The following MAP3K13 variants were observed in gnomAD, a reference collection of about 807,000 sequenced individuals.
MAP3K13 encodes mitogen-activated protein kinase kinase kinase 13, also known as leucine zipper-bearing kinase.
Under a neutral mutation model 104.0 loss-of-function variants are expected in MAP3K13, and 52 were observed. That is an observed-to-expected ratio of 0.50 (90% confidence interval 0.40 to 0.63). The LOEUF is 0.63. MAP3K13 is among the 20% of genes least tolerant of loss of function. The pLI is 0.00. For synonymous variants in MAP3K13, 394 were observed against 442.2 expected, an observed-to-expected ratio of 0.89 and a Z score of 1.37; for missense variants, 914 against 1,218.5, an observed-to-expected ratio of 0.75 and a Z score of 3.72.
Position 185,428,645 on chromosome 3 carries a change from A to G in MAP3K13, c.64A>G (p.Lys22Glu). Reference protein sequence around the residue: ...SSPHLPFSESKTFNGLQDELT... With the variant: ...SSPHLPFSESETFNGLQDELT... ...TCCACACTTACCCTTCAGTGAAAGC[A>G]AAACCTTCAATGGACTACAAGATGA... is the stretch of plus-strand genomic sequence containing the variant. The change falls in exon 2 of 14, where the codon AAA (lysine) becomes GAA (glutamate). Residue 22 changes from lysine to glutamate, a missense_variant. By Grantham distance (56) the Lys-to-Glu change is moderately conservative. This residue lies in a region of MAP3K13 where 156 missense variants were observed against 159.8 expected (regional missense o/e 0.98). Coordinates refer to ENST00000265026, the MANE Select transcript of MAP3K13 (RefSeq NM_004721.5). The G allele has an allele frequency of 6.2e-7, 1 of 1,613,914 alleles. No individual in the cohort carries two copies. Among genetic ancestry groups the G allele is most frequent in the South Asian group, 1.1e-5 (1 of 91,038 alleles).
intron 1 of MAP3K13, among the ~76,000 whole-genome samples, chr3:185,420,120 A>G (rs1016566975): frequency 6.6e-6 from 1 of 152,224 alleles, no homozygotes; most frequent in Non-Finnish European, 1.5e-5. Context: ...ACATGGAATC[A>G]ATATTTTTGA....
Position 185,428,740 on chromosome 3 carries a change from A to G in MAP3K13, c.159A>G (p.Arg53=). 6.2e-7 allele frequency: 1 copy of G among 1,614,234 alleles called. No homozygotes were observed. The highest frequency in any genetic ancestry group is 2.2e-5 in the East Asian group (1 of 44,890). ...ACCAGCAGGAAAAGGGGATGGTACG[A>G]ACAGAGCTAATCGAGAGCGTGCACA... ...LEDQQEKGMV[R]TELIESVHSP... The change falls in exon 2 of 14, where the codon CGA becomes CGG. Residue 53 remains arginine, a synonymous_variant. Transcript: ENST00000265026.
intron 2 of MAP3K13, among the ~76,000 whole-genome samples, chr3:185,344,312 G>C (rs1435050354): frequency 6.6e-6 from 1 of 152,126 alleles, no homozygotes; most frequent in Non-Finnish European, 1.5e-5. Context: ...ATTTTGAAAA[G>C]GAGAGACATG....
chr3:185,297,879 T>A (rs954431004), intron 2 of MAP3K13, among the ~76,000 whole-genome samples: 40 of 152,132 alleles, frequency 2.6e-4, no homozygotes, highest in Non-Finnish European at 3.7e-4. Flanking sequence ...AGCTACTCTC[T>A]CTCTCTCTCT....
At chr3:185,452,303 A>G (rs1261010780) in intron 7 of MAP3K13, among the ~76,000 whole-genome samples, 1 of 152,114 alleles carries the variant, frequency 6.6e-6, no homozygotes, top group Non-Finnish European at 1.5e-5. Context: ...GGCTCACTGC[A>G]GCCTTCACCT....
At chr3:185,401,347 G>C (rs1395057543) in intron 1 of MAP3K13, among the ~76,000 whole-genome samples, 1 of 152,168 alleles carries the variant, frequency 6.6e-6, no homozygotes, top group Non-Finnish European at 1.5e-5. Context: ...TGTGGGAGCA[G>C]GTGAGTGAGA....
intron 10 of MAP3K13, among the ~76,000 whole-genome samples, chr3:185,470,203 T>G (rs1717698410): frequency 6.6e-6 from 1 of 152,184 alleles, no homozygotes; most frequent in Admixed American, 6.5e-5. Context: ...CCTGTAAAAT[T>G]TCATGCTGAC....
At chr3:185,379,553 G>A (rs11707754) in intron 1 of MAP3K13, among the ~76,000 whole-genome samples, 26,938 of 151,970 alleles carry the variant, frequency 0.18, 2,559 homozygotes, top group Non-Finnish European at 0.21. Flanking sequence ...TGAGGACAGG[G>A]GACTGGTCTC....
intron 1 of MAP3K13, among the ~76,000 whole-genome samples, chr3:185,396,109 G>A (rs1406248823): frequency 2.6e-5 from 4 of 152,046 alleles, no homozygotes; most frequent in Non-Finnish European, 4.4e-5. Flanking sequence ...GGTGGCTCAC[G>A]CCTGTAATCC....
chr3:185,368,139 T>G (rs979465202), intron 1 of MAP3K13, among the ~76,000 whole-genome samples: 1 of 151,998 alleles, frequency 6.6e-6, no homozygotes, highest in African/African-American at 2.4e-5. Context: ...CCAGCCTGGG[T>G]AACAGAACAG....
chr3:185,376,887 G>A (rs12489150), intron 1 of MAP3K13, among the ~76,000 whole-genome samples: 23,610 of 152,070 alleles, frequency 0.16, 2,294 homozygotes, highest in Non-Finnish European at 0.21. Context: ...AGTAATGGGG[G>A]CTGTCTGTGA....
At chr3:185,429,234 G>A (rs1428253161) in intron 2 of MAP3K13, among the ~76,000 whole-genome samples, 178 bp downstream of exon 2, 1 of 152,150 alleles carries the variant, frequency 6.6e-6, no homozygotes, top group African/African-American at 2.4e-5. Flanking sequence ...CACATTTGGT[G>A]GGTCTTTTTT....
chr3:185,420,988 C>T (rs1355077236), intron 1 of MAP3K13, among the ~76,000 whole-genome samples: 5 of 152,148 alleles, frequency 3.3e-5, no homozygotes, highest in Non-Finnish European at 7.4e-5. Context: ...AAACCACTTC[C>T]TCCTCTTGGG....
At chr3:185,397,063 C>G (rs1285760552) in intron 1 of MAP3K13, among the ~76,000 whole-genome samples, 1 of 151,554 alleles carries the variant, frequency 6.6e-6, no homozygotes, top group Non-Finnish European at 1.5e-5. Flanking sequence ...GTTTCCAGAA[C>G]CAATTCATAA....
intron 2 of MAP3K13, among the ~76,000 whole-genome samples, chr3:185,332,622 T>C (rs1722327910): frequency 6.6e-6 from 1 of 152,224 alleles, no homozygotes; most frequent in Admixed American, 6.5e-5. Flanking sequence ...AGCTATCTCA[T>C]GTAAGTGGAA....
At chr3:185,477,249 TAC>T in intron 11 of MAP3K13, 75 bp from the exon 12 acceptor site, 1 of 906,022 alleles carries the variant, frequency 1.1e-6, no homozygotes, top group African/African-American at 1.6e-5. Context: ...TTACATTTTT[TAC>T]AGTTAGTGGG....
chr3:185,318,832 G>C (rs948601875), intron 2 of MAP3K13, among the ~76,000 whole-genome samples: 1 of 152,090 alleles, frequency 6.6e-6, no homozygotes, highest in East Asian at 1.9e-4. Context: ...CATCTGTAAG[G>C]CTTATGGAAT....
At chr3:185,428,395 A>T in intron 1 of MAP3K13, 102 bp from the exon 2 acceptor site, 1 of 683,626 alleles carries the variant, frequency 1.5e-6, no homozygotes, top group Non-Finnish European at 2.3e-6. Flanking sequence ...CCCACAGGTT[A>T]ACCAATCCCC....
intron 1 of MAP3K13, among the ~76,000 whole-genome samples, chr3:185,426,750 C>G (rs1714444072): frequency 6.6e-6 from 1 of 152,116 alleles, no homozygotes; most frequent in South Asian, 2.1e-4. Flanking sequence ...ATACCTTCCC[C>G]CTCTTCCTTC....
Sources: gnomAD v4.1 joint callset for allele counts (sites outside exome capture counted in the v4.1 genomes callset) on GRCh38, gnomAD v4.1.1 for gene constraint, gnomAD v4.1.1 regional missense constraint, MANE v1.5 for transcripts, NCBI Gene and HGNC (gene_info 2026-07-23, HGNC 2026-07-21) for gene names.